The following ADGRD1 variants were observed in gnomAD, a reference collection of about 807,000 sequenced individuals.
The protein encoded by ADGRD1 is adhesion G protein-coupled receptor D1.
Under a neutral mutation model 113.4 loss-of-function variants are expected in ADGRD1, and 77 were observed. That is an observed-to-expected ratio of 0.68 (90% confidence interval 0.57 to 0.82). The LOEUF is 0.82. Among genes scored for constraint, ADGRD1 ranks in the 40% least tolerant of loss-of-function variants. The pLI is 0.00. For missense variants in ADGRD1, 1,036 were observed against 1,139.1 expected (o/e 0.91, Z 1.30); for synonymous variants, 474 against 475.0 (o/e 1.00, Z 0.03).
chr12:131,069,306 C>T (rs1884971448), intron 13 of ADGRD1: 1 of 152,166 alleles, frequency 6.6e-6, no homozygotes, highest in Admixed American at 6.5e-5. Flanking sequence ...TGCTGAGTAA[C>T]ATGGTGGGTC....
At chr12:131,033,370 G>C (rs1475025822) in intron 13 of ADGRD1, among the ~76,000 whole-genome samples, 1 of 152,248 alleles carries the variant, frequency 6.6e-6, no homozygotes, top group Non-Finnish European at 1.5e-5. Flanking sequence ...CACTGCCCAA[G>C]CACCACATCT....
intron 17 of ADGRD1, 32 bp downstream of exon 17, chr12:131,105,897 G>A: frequency 1.3e-6 from 2 of 1,506,430 alleles, no homozygotes; most frequent in Non-Finnish European, 1.8e-6. Flanking sequence ...TTCCTGCGCT[G>A]TCCTTCCCTT....
intron 13 of ADGRD1, among the ~76,000 whole-genome samples, chr12:131,052,513 C>A (rs1883496065): frequency 6.6e-6 from 1 of 152,220 alleles, no homozygotes; most frequent in Admixed American, 6.5e-5. Context: ...GCTTCCAGGG[C>A]TCTCCTGGAG....
chr12:131,020,678 C>T (rs766857623), intron 13 of ADGRD1, among the ~76,000 whole-genome samples: 8 of 152,330 alleles, frequency 5.3e-5, no homozygotes, highest in Non-Finnish European at 8.8e-5. Flanking sequence ...GACATTTATC[C>T]GAGGCCCCTG....
At chr12:130,997,611 C>T (rs1381708897) in intron 8 of ADGRD1, among the ~76,000 whole-genome samples, 2 of 151,894 alleles carry the variant, frequency 1.3e-5, no homozygotes, top group Non-Finnish European at 2.9e-5. Flanking sequence ...CGATGGGCGG[C>T]CGGGCAGAGA....
In ADGRD1 at chr12:131,039,345, C is replaced by A. The variant is rs566566182; in HGVS notation, c.1473+25005C>A. On this transcript the variant is annotated intron_variant, in intron 13 of 24. Transcript: ENST00000261654. Reference sequence around the variant, plus strand: ...GACCCTCACGGGGTGACCCTTTCAACGCCGGGGAAATGGGGGAAAAGCCAG... The same window carrying A: ...GACCCTCACGGGGTGACCCTTTCAAAGCCGGGGAAATGGGGGAAAAGCCAG... Among the ~76,000 whole-genome samples, 5 of 152,368 alleles carry A rather than the reference C, an allele frequency of 3.3e-5. No individual in the cohort carries two copies. In the East Asian group the frequency reaches 9.6e-4, roughly 29 times the overall value.
intron 2 of ADGRD1, among the ~76,000 whole-genome samples, chr12:130,955,803 G>A (rs1357133805): frequency 2.6e-5 from 4 of 151,752 alleles, no homozygotes; most frequent in African/African-American, 9.7e-5. Context: ...TATTTTTTGA[G>A]ACAAAGTCTC....
At position 131,113,533 on chromosome 12, in the gene ADGRD1, C is replaced by A. The variant is rs1336018238; in HGVS notation, c.2041+4656C>A. The stretch of plus-strand genomic sequence containing the variant: ...TTTAATTTTCACAGTCTTTGTTATG[C>A]AAGTAGCAGGTAAACAGGCTTACTT... On this transcript the variant is annotated intron_variant, in intron 18 of 24. Transcript: ENST00000261654. This position sits in a 1 kb window ranked among gnomAD's most constrained non-coding sequence, Gnocchi z 4.9. Among the ~76,000 whole-genome samples the A allele has an allele frequency of 2.6e-5, 4 of 152,200 alleles. No homozygotes were observed. The highest frequency in any genetic ancestry group is 9.6e-5 in the African/African-American group (4 of 41,454).
chr12:131,139,249 C>A lies in ADGRD1; in HGVS notation c.2611C>A (p.Leu871Met). ...KSSHSAHRVD[L>M]SAV ...CAGCCACTCTGCCCACCGCGTCGAC[C>A]TGTCAGCCGTGTGAGCCGGGAGGCT... Residue 871 changes from leucine to methionine, a missense_variant, in exon 25 of 25, where the codon CTG becomes ATG. Physicochemically the swap from Leu to Met is conservative, Grantham distance 15 (BLOSUM62 2). Transcript: ENST00000261654. The A allele has an allele frequency of 6.2e-7, 1 of 1,612,430 alleles. No individual in the cohort carries two copies. Among genetic ancestry groups the A allele is most frequent in the Non-Finnish European group, 8.5e-7 (1 of 1,179,438 alleles).
intron 13 of ADGRD1, among the ~76,000 whole-genome samples, chr12:131,036,795 TG>T (rs1881491210): frequency 9.7e-6 from 1 of 103,608 alleles, no homozygotes; most frequent in Non-Finnish European, 1.9e-5. Context: ...CTCACGGCAC[TG>T]GGTCTCACTC....
rs894722932 is a variant in ADGRD1, at chr12:131,014,270, C to T, written c.1403C>T (p.Ser468Phe). The T allele has an allele frequency of 3.1e-6, 5 of 1,613,476 alleles. No homozygotes were observed. The East Asian group carries it at 6.7e-5, about 22-fold the overall frequency. Residue 468 changes from serine (S) to phenylalanine (F), a missense_variant, in exon 13 of 25, where the codon TCC (serine) becomes TTC (phenylalanine). Transcript: ENST00000261654. ...ATSHLISLEV[S>F]PPPTLSQNLS... ...AGCCACCTGATTTCCCTGGAGGTGT[C>T]CCCACCACCCACCCTGTCTCAGAAC...
At chr12:131,031,294 G>A (rs1022343178) in intron 13 of ADGRD1, among the ~76,000 whole-genome samples, 6 of 152,336 alleles carry the variant, frequency 3.9e-5, no homozygotes, top group Non-Finnish European at 7.3e-5. Context: ...GCCCTGGTGC[G>A]GCTCAAACAC....
intron 9 of ADGRD1, chr12:131,002,827 A>C: frequency 8.1e-7 from 1 of 1,236,654 alleles, no homozygotes; most frequent in Non-Finnish European, 1.0e-6. Flanking sequence ...CTCCTCGTGA[A>C]GCACAGGGAG....
chr12:130,955,629 G>T (rs1329059361), intron 2 of ADGRD1, among the ~76,000 whole-genome samples: 3 of 152,178 alleles, frequency 2.0e-5, no homozygotes, highest in African/African-American at 7.2e-5. Flanking sequence ...GAGGTGGGGA[G>T]GAGACCCTGC....
At chr12:131,049,461 A>G (rs1883166320) in intron 13 of ADGRD1, among the ~76,000 whole-genome samples, 1 of 152,240 alleles carries the variant, frequency 6.6e-6, no homozygotes, top group South Asian at 2.1e-4. Context: ...CTAAGCCATT[A>G]TAGCCAGAGA....
At chr12:130,967,367 T>G (rs1180553901) in intron 3 of ADGRD1, 2 of 173,852 alleles carry the variant, frequency 1.2e-5, no homozygotes, top group Non-Finnish European at 2.5e-5. Context: ...CTGGGTATTT[T>G]TTTCCCCTTT....
At chr12:131,015,574 G>A (rs1300919489) in intron 13 of ADGRD1, among the ~76,000 whole-genome samples, 1 of 145,074 alleles carries the variant, frequency 6.9e-6, no homozygotes, top group African/African-American at 2.6e-5. Context: ...ATGGAGATGG[G>A]AATGGAGATG....
chr12:131,129,949 G>C (rs1163450585), intron 20 of ADGRD1, among the ~76,000 whole-genome samples: 4 of 152,234 alleles, frequency 2.6e-5, no homozygotes, highest in Admixed American at 2.6e-4. Context: ...TCACACATCA[G>C]TGACCATCAG....
chr12:131,056,797 A>T (rs1337467974), intron 13 of ADGRD1, among the ~76,000 whole-genome samples: 1 of 152,224 alleles, frequency 6.6e-6, no homozygotes, highest in Admixed American at 6.5e-5. Context: ...GGACCACACA[A>T]GAGATCCTTG....
Sources: allele counts gnomAD v4.1 joint callset (sites outside exome capture counted in the v4.1 genomes callset), GRCh38; gene constraint gnomAD v4.1.1; non-coding constraint Gnocchi (gnomAD v3.1); transcripts MANE v1.5; gene names NCBI Gene and HGNC (gene_info 2026-07-23, HGNC 2026-07-21).